The following TEKT5 variants were observed in gnomAD, a reference collection of about 807,000 sequenced individuals.
TEKT5 encodes the protein tektin-5.
A neutral mutation model predicts 48.7 loss-of-function variants in TEKT5; 52 were observed. The observed-to-expected ratio is 1.07, with a 90% CI of 0.86 to 1.35. TEKT5 has a LOEUF of 1.35. TEKT5 is among the 40% of genes most tolerant of loss of function. The probability of loss-of-function intolerance (pLI) is 0.00; values close to 1 mark genes in which losing one functional copy is unlikely to be tolerated. For missense variants in TEKT5, 831 were observed against 641.6 expected (o/e 1.30, Z -3.19); for synonymous variants, 318 against 267.6 (o/e 1.19, Z -1.84).
At chr16:10,643,018 T>C (rs933758687) in intron 5 of TEKT5, among the ~76,000 whole-genome samples, 2 of 152,136 alleles carry the variant, frequency 1.3e-5, no homozygotes, top group Admixed American at 6.5e-5. Context: ...ATGACGGAAA[T>C]GCAAGTTACC....
chr16:10,644,938 C>T (rs1473518542), intron 5 of TEKT5, among the ~76,000 whole-genome samples: 3 of 152,122 alleles, frequency 2.0e-5, no homozygotes, highest in African/African-American at 4.8e-5. Context: ...TGAGGTGGAG[C>T]TCTCATGAAT....
At chr16:10,677,634 T>G (rs886800160) in intron 4 of TEKT5, among the ~76,000 whole-genome samples, 1 of 120,132 alleles carries the variant, frequency 8.3e-6, no homozygotes, top group Non-Finnish European at 1.6e-5. Context: ...AAAAAGAAAA[T>G]GCATGAAGCT....
At chr16:10,635,006 T>TG (rs1296852010) in intron 6 of TEKT5, among the ~76,000 whole-genome samples, 2 of 152,156 alleles carry the variant, frequency 1.3e-5, no homozygotes, top group African/African-American at 4.8e-5. Context: ...CACTACCTTT[T>TG]GGGGTACTTT....
chr16:10,638,720 C>A (rs1897949896), intron 5 of TEKT5, among the ~76,000 whole-genome samples: 1 of 152,188 alleles, frequency 6.6e-6, no homozygotes, highest in African/African-American at 2.4e-5. Flanking sequence ...CTACCTTATA[C>A]AAGACCACAG....
At chr16:10,690,434 G>C (rs904008865) in intron 1 of TEKT5, among the ~76,000 whole-genome samples, 1 of 152,296 alleles carries the variant, frequency 6.6e-6, no homozygotes, top group East Asian at 1.9e-4. Context: ...ATCGGGGCTT[G>C]ACCACTTCCT....
rs916621769 is a variant in TEKT5 at position 10,687,816 on chromosome 16, ATTTAT to A, written c.719+1432_719+1436del. Among the ~76,000 whole-genome samples the A allele has an allele frequency of 5.3e-5, 8 of 152,316 alleles. No individual in the cohort carries two copies. In the East Asian group the frequency reaches 7.7e-4, roughly 15 times the overall value. On this transcript the variant is annotated intron_variant, in intron 3 of 6. Coordinates refer to ENST00000283025, the MANE Select transcript of TEKT5 (RefSeq NM_144674.2). ...GATTTTATTTACTGAATTGATTTTT[ATTTAT>A]TTTATTTTATTTTTTAAGCCTTTAA...
chr16:10,631,986 G>A (rs1897847095), intron 6 of TEKT5, among the ~76,000 whole-genome samples: 1 of 152,114 alleles, frequency 6.6e-6, no homozygotes, highest in Non-Finnish European at 1.5e-5. Context: ...TGGCTTGGTT[G>A]TGGGACTGTG....
chr16:10,643,981 G>A (rs1482571092), intron 5 of TEKT5, among the ~76,000 whole-genome samples: 1 of 152,176 alleles, frequency 6.6e-6, no homozygotes, highest in African/African-American at 2.4e-5. Flanking sequence ...GGAGGAGGTT[G>A]CAGTGAACCG....
chr16:10,685,210 G>T (rs1898841015), intron 3 of TEKT5, among the ~76,000 whole-genome samples: 1 of 152,124 alleles, frequency 6.6e-6, no homozygotes, highest in African/African-American at 2.4e-5. Flanking sequence ...CACTCACTCT[G>T]TGCTTGCTTT....
At chr16:10,689,374 T>C (rs952958551) in intron 2 of TEKT5, 51 bp from the exon 3 acceptor site, 2 of 1,490,824 alleles carry the variant, frequency 1.3e-6, no homozygotes, top group Admixed American at 3.4e-5. Flanking sequence ...CCTCACAGTC[T>C]TCTCTCCCAG....
chr16:10,690,057 C>A (rs1483525717), intron 1 of TEKT5, 32 bp from the exon 2 acceptor site: 1 of 1,607,166 alleles, frequency 6.2e-7, no homozygotes, highest in East Asian at 2.2e-5. Flanking sequence ...ACGTATTCTT[C>A]CTGTAGCTGT....
Position 10,694,366 on chromosome 16 carries a change from C to T in TEKT5, c.508G>A (p.Glu170Lys). 6.2e-7 allele frequency: 1 copy of T among 1,613,720 alleles called. No individual in the cohort carries two copies. Among genetic ancestry groups the T allele is most frequent in the Non-Finnish European group, 8.5e-7 (1 of 1,179,828 alleles). The change falls in exon 1 of 7, where the codon GAG becomes AAG. Residue 170 changes from glutamate (E) to lysine (K), a missense_variant. Physicochemically the swap from Glu to Lys is moderately conservative, Grantham distance 56. Transcript: ENST00000283025. ...DRLLTENQNL[E>K]TVKRRLECAA... ...CACTCCAGCCGCCTCTTGACCGTCTCCAAGTTCTGGTTCTCAGTCAGAAGC... is the reference window on the plus strand; with the variant it reads ...CACTCCAGCCGCCTCTTGACCGTCTTCAAGTTCTGGTTCTCAGTCAGAAGC...
In TEKT5 at chr16:10,648,278, T is replaced by C. The variant is rs185226509; in HGVS notation, c.1087-12360A>G. Among the ~76,000 whole-genome samples, 4 of 152,288 alleles carry C rather than the reference T, an allele frequency of 2.6e-5. No individual in the cohort carries two copies. The East Asian group carries it at 7.7e-4, about 29-fold the overall frequency. ...TCATTATAGAACCAAACCAATCCTA[T>C]GCAGAAGGTTCTAGCAACATTCCCT... On this transcript the variant is annotated intron_variant, in intron 5 of 6. Coordinates refer to ENST00000283025, the MANE Select transcript of TEKT5 (RefSeq NM_144674.2).
chr16:10,679,454 TAAAA>T (rs60522817), intron 4 of TEKT5, among the ~76,000 whole-genome samples: 1 of 120,234 alleles, frequency 8.3e-6, no homozygotes. Context: ...AGACTCTGTC[TAAAA>T]AAAAAAAAAA....
chr16:10,682,740 C>T (rs577319475), intron 3 of TEKT5, among the ~76,000 whole-genome samples: 7 of 152,278 alleles, frequency 4.6e-5, no homozygotes, highest in South Asian at 2.1e-4. Flanking sequence ...CAACTGTGCA[C>T]GAGAGCAGTC....
At position 10,635,865 on chromosome 16, in the gene TEKT5, G is replaced by A. The variant is rs1897905411; in HGVS notation, c.1140C>T (p.Ser380=). 6.2e-7 allele frequency: 1 copy of A among 1,614,138 alleles called. No individual in the cohort carries two copies. The highest frequency in any genetic ancestry group is 1.1e-5 in the South Asian group (1 of 91,088). ...AENTIMLLER[S]IMAKEGPLKV... is the part of the protein sequence containing the mutation. ...TCAGCGGGCCCTCCTTGGCCATGAT[G>A]GACCTTTCCAGCAGCATGATGGTGT... Residue 380 remains serine, a synonymous_variant, in exon 6 of 7, where the codon TCC becomes TCT. Coordinates refer to ENST00000283025, the MANE Select transcript of TEKT5 (RefSeq NM_144674.2).
intron 5 of TEKT5, among the ~76,000 whole-genome samples, chr16:10,646,341 G>T (rs118170355): frequency 2.2e-4 from 33 of 152,182 alleles, no homozygotes; most frequent in African/African-American, 3.9e-4. Flanking sequence ...GGAACAACCT[G>T]CCCTACAAAT....
At chr16:10,640,538 C>T (rs148796672) in intron 5 of TEKT5, among the ~76,000 whole-genome samples, 263 of 152,272 alleles carry the variant, frequency 1.7e-3, no homozygotes, top group Non-Finnish European at 2.9e-3. Context: ...TATGTATATA[C>T]CCATGAAATC....
At chr16:10,686,908 A>T (rs1352359716) in intron 3 of TEKT5, among the ~76,000 whole-genome samples, 1 of 152,266 alleles carries the variant, frequency 6.6e-6, no homozygotes, top group Non-Finnish European at 1.5e-5. Flanking sequence ...CAGCCTTAAA[A>T]AAAGAAGAAA....
Sources: allele counts gnomAD v4.1 joint callset (sites outside exome capture counted in the v4.1 genomes callset), GRCh38; gene constraint gnomAD v4.1.1; transcripts MANE v1.5; gene names NCBI Gene and HGNC (gene_info 2026-07-23, HGNC 2026-07-21).